The following DLG2 variants were observed in gnomAD, a reference collection of about 807,000 sequenced individuals.
DLG2 encodes disks large homolog 2.
Under a neutral mutation model 132.5 loss-of-function variants are expected in DLG2, and 45 were observed. That is an observed-to-expected ratio of 0.34 (90% CI 0.27 to 0.44). The LOEUF (loss-of-function observed/expected upper bound fraction) is 0.44. Ranked by LOEUF, DLG2 falls within the 20% of genes least tolerant of loss-of-function variation. The pLI is 1.00. For missense variants in DLG2, 1,045 were observed against 1,196.9 expected, an observed-to-expected ratio of 0.87 and a Z score of 1.87; for synonymous variants, 424 against 419.6, an observed-to-expected ratio of 1.01 and a Z score of -0.13.
At chr11:84,292,709 T>G (rs528882370) in intron 7 of DLG2, among the ~76,000 whole-genome samples, 6 of 152,138 alleles carry the variant, frequency 3.9e-5, no homozygotes, top group Admixed American at 3.9e-4. Context: ...AAAGTTTAGA[T>G]GCGAGAAATT....
chr11:84,600,159 G>GGAAA (rs1181993623), intron 6 of DLG2, among the ~76,000 whole-genome samples: 18,312 of 95,766 alleles, frequency 0.19, 1,982 homozygotes, highest in East Asian at 0.27. Flanking sequence ...AAAGAAAGAA[G>GGAAA]GAAAGAAAGA....
chr11:85,238,627 C>A (rs752453477), intron 4 of DLG2, among the ~76,000 whole-genome samples: 1 of 152,042 alleles, frequency 6.6e-6, no homozygotes, highest in Non-Finnish European at 1.5e-5. Context: ...GCTTTAGATG[C>A]TTCTTCTTCC....
At chr11:84,594,432 C>G (rs545645795) in intron 6 of DLG2, among the ~76,000 whole-genome samples, 82 of 152,192 alleles carry the variant, frequency 5.4e-4, no homozygotes, top group African/African-American at 2.0e-3. Flanking sequence ...CCAACAAAAG[C>G]CTCACCCAAA....
chr11:84,307,695 CAAAAAAAAAAAAA>C, intron 7 of DLG2, among the ~76,000 whole-genome samples: 1 of 78,008 alleles, frequency 1.3e-5, no homozygotes, highest in East Asian at 2.9e-4. Flanking sequence ...GACGCAGTCT[CAAAAAAAAAAAAA>C]AAAAAAAAGA....
chr11:84,643,036 T>G (rs2154545441), intron 6 of DLG2, among the ~76,000 whole-genome samples: 1 of 152,340 alleles, frequency 6.6e-6, no homozygotes, highest in Non-Finnish European at 1.5e-5. Context: ...CATTCTAAAC[T>G]TAATTCTACT....
intron 14 of DLG2, among the ~76,000 whole-genome samples, chr11:83,936,206 G>GT (rs1228385318): frequency 1.3e-5 from 2 of 152,200 alleles, no homozygotes; most frequent in African/African-American, 4.8e-5. Context: ...AACCAAGGAA[G>GT]TAACAATCGA....
intron 6 of DLG2, among the ~76,000 whole-genome samples, chr11:84,928,980 GTGTATATA>G (rs1434005321): frequency 0.021 from 827 of 40,090 alleles, no homozygotes; most frequent in East Asian, 0.033. Context: ...GTGTGTGTGT[GTGTATATA>G]TATATATATA....
chr11:83,562,588 G>C (rs576609242), intron 19 of DLG2, among the ~76,000 whole-genome samples: 138 of 152,234 alleles, frequency 9.1e-4, no homozygotes, highest in Middle Eastern at 6.8e-3. Context: ...AAAGAACAGG[G>C]AAAATGGTTG....
At chr11:84,040,581 T>G (rs879366294) in intron 11 of DLG2, among the ~76,000 whole-genome samples, 15 of 152,106 alleles carry the variant, frequency 9.9e-5, no homozygotes, top group Admixed American at 2.6e-4. Flanking sequence ...TTGATCCATA[T>G]CTCTGTTTTG....
intron 18 of DLG2, among the ~76,000 whole-genome samples, chr11:83,724,496 A>T (rs534566774): frequency 0.28 from 40,319 of 143,892 alleles, 6,774 homozygotes; most frequent in African/African-American, 0.48. Context: ...AGAGAGAGAG[A>T]GAGAGAGAGA....
At chr11:85,560,704 T>C (rs1182256740) in intron 3 of DLG2, among the ~76,000 whole-genome samples, 1 of 151,852 alleles carries the variant, frequency 6.6e-6, no homozygotes, top group Non-Finnish European at 1.5e-5. Context: ...ATATAATATG[T>C]AAATTAGTCC....
At chr11:84,197,081 A>C (rs2096531698) in intron 8 of DLG2, among the ~76,000 whole-genome samples, 1 of 151,502 alleles carries the variant, frequency 6.6e-6, no homozygotes, top group Non-Finnish European at 1.5e-5. Context: ...AAAAAACGAA[A>C]GAAAGAAATT....
chr11:84,881,598 AC>A (rs144110496), intron 6 of DLG2, among the ~76,000 whole-genome samples: 6,348 of 152,140 alleles, frequency 0.042, 196 homozygotes, highest in African/African-American at 0.081. Flanking sequence ...GATGCTTATT[AC>A]CCCTGGCCTC....
chr11:84,640,302 T>G (rs1022777277), intron 6 of DLG2: 1 of 343,146 alleles, frequency 2.9e-6, no homozygotes, highest in Admixed American at 3.7e-5. Flanking sequence ...TGTCGTTATC[T>G]AGGAGAATGG....
chr11:84,166,940 G>A (rs769391780), intron 8 of DLG2: 6 of 533,046 alleles, frequency 1.1e-5, no homozygotes, highest in African/African-American at 1.9e-5. Context: ...TAACACTTAC[G>A]GTAATATTTA....
intron 7 of DLG2, among the ~76,000 whole-genome samples, chr11:84,507,502 A>C (rs1565139133): frequency 6.6e-6 from 1 of 152,324 alleles, no homozygotes; most frequent in East Asian, 1.9e-4. Context: ...TGTAAAACTG[A>C]GTACTAGATG....
chr11:84,246,725 A>G (rs1233952448), intron 8 of DLG2, among the ~76,000 whole-genome samples: 2 of 152,190 alleles, frequency 1.3e-5, no homozygotes, highest in African/African-American at 4.8e-5. Flanking sequence ...AAATTCATGT[A>G]TATAGGATTT....
intron 4 of DLG2, among the ~76,000 whole-genome samples, chr11:85,246,856 C>T (rs1372609678): frequency 2.0e-5 from 3 of 152,062 alleles, no homozygotes; most frequent in Admixed American, 2.0e-4. Flanking sequence ...CGATCACTAA[C>T]ATAGTTATCC....
intron 21 of DLG2, among the ~76,000 whole-genome samples, chr11:83,501,182 T>G (rs1359184027): frequency 1.3e-5 from 2 of 150,036 alleles, no homozygotes; most frequent in Non-Finnish European, 3.0e-5. Context: ...TTGATTTCTA[T>G]TTTTTTCTGT....
Sources: gnomAD v4.1 joint callset for allele counts (sites outside exome capture counted in the v4.1 genomes callset) on GRCh38, gnomAD v4.1.1 for gene constraint, MANE v1.5 for transcripts, NCBI Gene and HGNC (gene_info 2026-07-23, HGNC 2026-07-21) for gene names.